The following PRKAG2 variants were observed in gnomAD, a reference collection of about 807,000 sequenced individuals.
The protein encoded by PRKAG2 is protein kinase AMP-activated non-catalytic subunit gamma 2, also known as 5'-AMP-activated protein kinase subunit gamma-2.
In PRKAG2, 26 loss-of-function variants were observed where a neutral mutation model predicts 69.6. The ratio of observed to expected loss-of-function variants is 0.37; its 90% confidence interval spans 0.27 to 0.52. The LOEUF (loss-of-function observed/expected upper bound fraction) is 0.52. Ranked by LOEUF, PRKAG2 falls within the 20% of genes least tolerant of loss-of-function variation. The pLI is 0.90. For missense variants in PRKAG2, 557 were observed against 740.0 expected, an observed-to-expected ratio of 0.75 and a Z score of 2.87; for synonymous variants, 293 against 285.0, an observed-to-expected ratio of 1.03 and a Z score of -0.28.
chr7:151,705,708 A>G (rs1043203354), intron 3 of PRKAG2, among the ~76,000 whole-genome samples: 2 of 152,160 alleles, frequency 1.3e-5, no homozygotes, highest in African/African-American at 4.8e-5. Context: ...TCTGCTCTTC[A>G]AATTAATTTC....
intron 1 of PRKAG2, among the ~76,000 whole-genome samples, chr7:151,812,164 C>T (rs1446450032): frequency 6.6e-6 from 1 of 152,170 alleles, no homozygotes; most frequent in Admixed American, 6.5e-5. Context: ...AAGACCCCTA[C>T]CTGACTGCAT....
At chr7:151,784,286 TGTTTACAGCA>T (rs1166732784) in intron 2 of PRKAG2, among the ~76,000 whole-genome samples, 1 of 152,146 alleles carries the variant, frequency 6.6e-6, no homozygotes, top group Non-Finnish European at 1.5e-5. Flanking sequence ...GGACGTGCTC[TGTTTACAGCA>T]TAGGGAGCTT....
chr7:151,744,064 A>G (rs529950975), intron 3 of PRKAG2, among the ~76,000 whole-genome samples: 16 of 152,272 alleles, frequency 1.1e-4, no homozygotes, highest in African/African-American at 3.8e-4. Flanking sequence ...TCGAAGATGG[A>G]GCACGGTCAC....
At chr7:151,765,214 G>A (rs953140028) in intron 3 of PRKAG2, among the ~76,000 whole-genome samples, 1 of 152,172 alleles carries the variant, frequency 6.6e-6, no homozygotes, top group Non-Finnish European at 1.5e-5. Flanking sequence ...AGCATGGCTG[G>A]GGAGGCCTCA....
At chr7:151,648,305 G>C (rs969463987) in intron 4 of PRKAG2, among the ~76,000 whole-genome samples, 3 of 152,120 alleles carry the variant, frequency 2.0e-5, no homozygotes, top group Non-Finnish European at 4.4e-5. Context: ...CATAGGTTTT[G>C]CTGTTTCAGA....
intron 5 of PRKAG2, among the ~76,000 whole-genome samples, chr7:151,611,998 T>C (rs959285161): frequency 1.3e-5 from 2 of 152,066 alleles, no homozygotes; most frequent in Admixed American, 6.6e-5. Flanking sequence ...TGAGCTGAGA[T>C]TGTGTCACCG....
At chr7:151,703,845 A>AACACACACAC (rs535818189) in intron 3 of PRKAG2, among the ~76,000 whole-genome samples, 1,097 of 88,500 alleles carry the variant, frequency 0.012, 38 homozygotes, top group East Asian at 0.022. Flanking sequence ...TTTACTGGAA[A>AACACACACAC]ACACACACAC....
At position 151,773,019 on chromosome 7, in the gene PRKAG2, AAGAAAGAG is replaced by A. The variant is rs1240809517; in HGVS notation, c.466+8125_466+8132del. 8.7e-3 allele frequency among the ~76,000 whole-genome samples: 204 copies of A among 23,504 alleles called. 1 individual carries two copies. Among genetic ancestry groups the A allele is most frequent in the African/African-American group, 0.018 (83 of 4,592 alleles). The allele number at this position is 23,504 out of a possible 152,430, so 15.4% of individuals were successfully genotyped here. On this transcript the variant is annotated intron_variant, in intron 3 of 15. Transcript: ENST00000287878. The stretch of plus-strand genomic sequence containing the variant: ...AAAGAAAGAAAGAAAGAAAGAAAGA[AAGAAAGAG>A]AGAGAGAGAGAGAGAGAGAGAGAGA...
At chr7:151,767,587 A>G (rs1389987365) in intron 3 of PRKAG2, among the ~76,000 whole-genome samples, 2 of 152,218 alleles carry the variant, frequency 1.3e-5, no homozygotes, top group Non-Finnish European at 2.9e-5. Flanking sequence ...CACCATGCCC[A>G]GCCAACTTCT....
Position 151,756,273 on chromosome 7 carries a change from C to T in PRKAG2, c.466+24879G>A, listed in dbSNP as rs2075078324. On this transcript the variant is annotated intron_variant, in intron 3 of 15. Coordinates refer to ENST00000287878, the MANE Select transcript of PRKAG2 (RefSeq NM_016203.4). This position sits in a 1 kb window ranked among gnomAD's most constrained non-coding sequence, Gnocchi z 4.9. ...ACACACACCACACACGTGACTGCAA[C>T]GAAGGAAGTGTGGGTTCCTTTTAAC... 6.6e-6 allele frequency among the ~76,000 whole-genome samples: 1 copy of T among 152,202 alleles called. No individual in the cohort carries two copies. The highest frequency in any genetic ancestry group is 1.5e-5 in the Non-Finnish European group (1 of 68,034).
At chr7:151,768,653 G>A (rs2075864325) in intron 3 of PRKAG2, among the ~76,000 whole-genome samples, 1 of 152,182 alleles carries the variant, frequency 6.6e-6, no homozygotes, top group African/African-American at 2.4e-5. Flanking sequence ...TTTTAGTAGA[G>A]ACAGGGTTTC....
Position 151,777,534 on chromosome 7 carries a change from G to A in PRKAG2, c.466+3618C>T, listed in dbSNP as rs1373878052. The stretch of plus-strand genomic sequence containing the variant: ...CTCCAGTACCTCCCCCCTCTCTCTT[G>A]CTCCCTTGCGTGTGAGCTCTGCATA... On this transcript the variant is annotated intron_variant, in intron 3 of 15. Transcript: ENST00000287878. The surrounding 1 kb of genome is among the most constrained non-coding windows in gnomAD (Gnocchi z 4.3). 6.6e-6 allele frequency among the ~76,000 whole-genome samples: 1 copy of A among 152,114 alleles called. No individual in the cohort carries two copies. Among genetic ancestry groups the A allele is most frequent in the Non-Finnish European group, 1.5e-5 (1 of 68,014 alleles).
chr7:151,853,314 AAAATGACAGG>A (rs2151897438), intron 1 of PRKAG2, among the ~76,000 whole-genome samples: 1 of 152,344 alleles, frequency 6.6e-6, no homozygotes, highest in Non-Finnish European at 1.5e-5. Context: ...GAAAAAAGTC[AAAATGACAGG>A]TTTGTCAGAA....
At chr7:151,624,966 C>T (rs758760270) in intron 5 of PRKAG2, among the ~76,000 whole-genome samples, 9 of 152,278 alleles carry the variant, frequency 5.9e-5, no homozygotes, top group Middle Eastern at 3.4e-3. Flanking sequence ...AAAATACATA[C>T]GTTCATTTGT....
intron 3 of PRKAG2, among the ~76,000 whole-genome samples, chr7:151,747,476 G>C (rs1397373521): frequency 6.6e-6 from 1 of 152,138 alleles, no homozygotes; most frequent in African/African-American, 2.4e-5. Context: ...AGAATCGCTT[G>C]AACCTGGAAG....
intron 3 of PRKAG2, among the ~76,000 whole-genome samples, chr7:151,680,655 G>A (rs1213014481): frequency 6.6e-6 from 1 of 152,210 alleles, no homozygotes; most frequent in Non-Finnish European, 1.5e-5. Flanking sequence ...TATCCATTCA[G>A]AAAATTACTT....
chr7:151,652,570 T>C (rs1196464715), intron 4 of PRKAG2, among the ~76,000 whole-genome samples: 1 of 152,212 alleles, frequency 6.6e-6, no homozygotes, highest in East Asian at 1.9e-4. Flanking sequence ...CCAGTTTTAG[T>C]ATATGTGCTG....
chr7:151,575,595 A>G (rs2151038076), intron 7 of PRKAG2, among the ~76,000 whole-genome samples: 1 of 152,344 alleles, frequency 6.6e-6, no homozygotes, highest in African/African-American at 2.4e-5. Context: ...TTAACAGTAT[A>G]ACAATGGTCT....
intron 3 of PRKAG2, among the ~76,000 whole-genome samples, chr7:151,694,155 T>G (rs1271872325): frequency 6.6e-6 from 1 of 152,244 alleles, no homozygotes; most frequent in Non-Finnish European, 1.5e-5. Flanking sequence ...ATTACAGGCG[T>G]GAGCCACAGT....
Sources: gnomAD v4.1 joint callset for allele counts (sites outside exome capture counted in the v4.1 genomes callset) on GRCh38, gnomAD v4.1.1 for gene constraint, Gnocchi (gnomAD v3.1) non-coding constraint, MANE v1.5 for transcripts, NCBI Gene and HGNC (gene_info 2026-07-23, HGNC 2026-07-21) for gene names.